LINGO1: variants seen among roughly 807,000 people sequenced by gnomAD.
The protein encoded by LINGO1 is leucine rich repeat and Ig domain containing 1, also known as leucine-rich repeat and immunoglobulin-like domain-containing nogo receptor-interacting protein 1.
In LINGO1, 11 loss-of-function variants were observed where a neutral mutation model predicts 37.3. The observed-to-expected ratio is 0.29, with a 90% CI of 0.19 to 0.49. LINGO1 has a LOEUF of 0.49. Ranked by LOEUF, LINGO1 falls within the 20% of genes least tolerant of loss-of-function variation. The pLI is 0.99. For synonymous variants in LINGO1, 387 were observed against 403.0 expected (o/e 0.96, Z 0.48); for missense variants, 585 against 878.2 (o/e 0.67, Z 4.22).
At chr15:77,762,765 C>T (rs562203576) in intron 1 of LINGO1, among the ~76,000 whole-genome samples, 2 of 152,340 alleles carry the variant, frequency 1.3e-5, no homozygotes, top group Non-Finnish European at 2.9e-5. Flanking sequence ...TGACCCACCA[C>T]CCGAGAGACA....
intron 1 of LINGO1, among the ~76,000 whole-genome samples, chr15:77,747,111 T>A (rs2141359087): frequency 6.6e-6 from 1 of 152,266 alleles, no homozygotes; most frequent in Admixed American, 6.5e-5. Context: ...TCCACTGAGT[T>A]AGCTAAGAAG....
intron 2 of LINGO1, among the ~76,000 whole-genome samples, chr15:77,681,362 A>C (rs2075410395): frequency 6.6e-6 from 1 of 152,144 alleles, no homozygotes; most frequent in Non-Finnish European, 1.5e-5. Context: ...GGAACTGGAC[A>C]GGGATGCAAG....
At chr15:77,758,532 G>GCAGT (rs2076442956) in intron 1 of LINGO1, among the ~76,000 whole-genome samples, 1 of 152,186 alleles carries the variant, frequency 6.6e-6, no homozygotes, top group African/African-American at 2.4e-5. Flanking sequence ...GCCAGCAGGG[G>GCAGT]CAGTCAGGGT....
chr15:77,636,337 G>T (rs1472294443), upstream of LINGO1, among the ~76,000 whole-genome samples: 1 of 152,196 alleles, frequency 6.6e-6, no homozygotes, highest in Non-Finnish European at 1.5e-5. Context: ...CCAGCAGCTC[G>T]CAGGGTTTTA....
intron 2 of LINGO1, among the ~76,000 whole-genome samples, chr15:77,732,198 C>A (rs1240612195): frequency 2.0e-5 from 3 of 152,226 alleles, no homozygotes; most frequent in Non-Finnish European, 4.4e-5. Context: ...GCACTCTACA[C>A]TTTACTGCTA....
In LINGO1 at chr15:77,781,201, A is replaced by G. The variant is rs998932549; in HGVS notation, c.-257+5668T>C. On this transcript the variant is annotated intron_variant, in intron 1 of 3. Coordinates refer to the LINGO1 transcript ENST00000561686. The stretch of plus-strand genomic sequence containing the variant: ...TGCGTAAAGTCCAGCCGGTTCCCTG[A>G]AGGCATGGGTAGGGGGCTGGAATTT... Among the ~76,000 whole-genome samples the G allele has an allele frequency of 3.9e-5, 6 of 152,210 alleles. No homozygotes were observed. The East Asian group carries it at 5.8e-4, about 15-fold the overall frequency.
chr15:77,622,647 C>T (rs535745511), intron 1 of LINGO1, among the ~76,000 whole-genome samples: 8 of 152,308 alleles, frequency 5.3e-5, no homozygotes, highest in South Asian at 4.1e-4. Context: ...TTTCAGGAAA[C>T]GATAAAGCGT....
chr15:77,685,955 T>C (rs1405338380), intron 2 of LINGO1, among the ~76,000 whole-genome samples: 1 of 152,160 alleles, frequency 6.6e-6, no homozygotes, highest in Non-Finnish European at 1.5e-5. Context: ...AGCAGGTCCC[T>C]ACTGTCCTGG....
intron 1 of LINGO1, among the ~76,000 whole-genome samples, chr15:77,780,457 C>T (rs907885446): frequency 1.3e-5 from 2 of 152,048 alleles, no homozygotes; most frequent in Non-Finnish European, 2.9e-5. Flanking sequence ...GCAGCTCAAG[C>T]TACAGTGTCA....
At chr15:77,652,530 G>GTGTGTGTT (rs1461851046) in intron 3 of LINGO1, among the ~76,000 whole-genome samples, 1,663 of 144,800 alleles carry the variant, frequency 0.011, 43 homozygotes, top group African/African-American at 0.042. Context: ...GTGTGTGTGT[G>GTGTGTGTT]TTGCCAGAAT....
intron 2 of LINGO1, among the ~76,000 whole-genome samples, chr15:77,734,765 G>C (rs2076187027): frequency 6.6e-6 from 1 of 152,066 alleles, no homozygotes; most frequent in African/African-American, 2.4e-5. Flanking sequence ...ATCAGACCAG[G>C]GAGCTGCCTT....
At chr15:77,763,336 T>A (rs11630990) in intron 1 of LINGO1, among the ~76,000 whole-genome samples, 1 of 152,158 alleles carries the variant, frequency 6.6e-6, no homozygotes, top group Admixed American at 6.5e-5. Context: ...GACAGGGATA[T>A]AAGTGAGAAG....
chr15:77,657,747 G>T (rs374529407), intron 3 of LINGO1, among the ~76,000 whole-genome samples: 2 of 152,168 alleles, frequency 1.3e-5, no homozygotes, highest in Non-Finnish European at 2.9e-5. Context: ...ATGGATTTAG[G>T]GGGGCAGGGA....
At chr15:77,766,129 GA>G (rs1338831865) in intron 1 of LINGO1, among the ~76,000 whole-genome samples, 1 of 151,804 alleles carries the variant, frequency 6.6e-6, no homozygotes, top group African/African-American at 2.4e-5. Context: ...AGTGCAATGT[GA>G]AAAAAACAAG....
intron 3 of LINGO1, among the ~76,000 whole-genome samples, chr15:77,650,643 T>C (rs2074740098): frequency 6.6e-6 from 1 of 152,194 alleles, no homozygotes; most frequent in African/African-American, 2.4e-5. Context: ...GAGGGCAGAC[T>C]GGAGTTGCCC....
intron 1 of LINGO1, among the ~76,000 whole-genome samples, chr15:77,807,840 G>A (rs908189653): frequency 3.3e-5 from 5 of 152,010 alleles, no homozygotes; most frequent in Admixed American, 2.0e-4. Context: ...TTTTTCCAGC[G>A]TTCGTTTGTA....
intron 1 of LINGO1, among the ~76,000 whole-genome samples, chr15:77,806,538 C>T (rs1355536505): frequency 6.6e-6 from 1 of 152,082 alleles, no homozygotes; most frequent in Non-Finnish European, 1.5e-5. Context: ...CCTGTTCTGC[C>T]CACCCCAGGG....
intron 1 of LINGO1, among the ~76,000 whole-genome samples, chr15:77,807,448 G>A (rs186371049): frequency 9.2e-5 from 14 of 152,310 alleles, no homozygotes; most frequent in Non-Finnish European, 2.1e-4. Context: ...GCCAGTCCTG[G>A]CCCTCAAGTT....
At chr15:77,774,106 C>T (rs1016344361) in intron 1 of LINGO1, among the ~76,000 whole-genome samples, 3 of 152,120 alleles carry the variant, frequency 2.0e-5, no homozygotes, top group Non-Finnish European at 4.4e-5. Context: ...GCATCGATGC[C>T]CTCTACAGGG....
Sources: allele counts gnomAD v4.1 joint callset (sites outside exome capture counted in the v4.1 genomes callset), GRCh38; gene constraint gnomAD v4.1.1; transcripts MANE v1.5; gene names NCBI Gene and HGNC (gene_info 2026-07-23, HGNC 2026-07-21).